Variants in PRKAA2 observed in about 807,000 individuals in gnomAD.
PRKAA2 encodes 5'-AMP-activated protein kinase catalytic subunit alpha-2.
PRKAA2 carries 40 observed loss-of-function variants against 56.3 expected under a neutral mutation model. That is an observed-to-expected ratio of 0.71 (90% confidence interval 0.55 to 0.92). PRKAA2 has a LOEUF of 0.92. Ranked by LOEUF, PRKAA2 falls within the 40% of genes least tolerant of loss-of-function variation. PRKAA2 has a pLI of 0.00. For missense variants in PRKAA2, 542 were observed against 686.9 expected, an observed-to-expected ratio of 0.79 and a Z score of 2.36; for synonymous variants, 214 against 234.2, an observed-to-expected ratio of 0.91 and a Z score of 0.79.
intron 2 of PRKAA2, among the ~76,000 whole-genome samples, chr1:56,682,161 C>G (rs1644159856): frequency 6.6e-6 from 1 of 152,046 alleles, no homozygotes; most frequent in Non-Finnish European, 1.5e-5. Flanking sequence ...GGGTTGGGTG[C>G]TGTTCTAGGC....
intron 1 of PRKAA2, among the ~76,000 whole-genome samples, chr1:56,657,047 G>GCC (rs1557543213): frequency 6.6e-6 from 1 of 152,144 alleles, no homozygotes; most frequent in Non-Finnish European, 1.5e-5. Flanking sequence ...AGATTCAGAA[G>GCC]CCCCCAGCAG....
chr1:56,694,652 G>A (rs907561287), intron 5 of PRKAA2, among the ~76,000 whole-genome samples: 2 of 151,942 alleles, frequency 1.3e-5, no homozygotes, highest in African/African-American at 4.8e-5. Context: ...ATGGTGAAAG[G>A]GACAAGGGAT....
Position 56,665,274 on chromosome 1 carries a change from A to G in PRKAA2, c.95-9107A>G, listed in dbSNP as rs983038139. Among the ~76,000 whole-genome samples, 15 of 152,146 alleles carry G rather than the reference A, an allele frequency of 9.9e-5. No individual in the cohort carries two copies. In the East Asian group the frequency reaches 1.5e-3, roughly 16 times the overall value. On this transcript the variant is annotated intron_variant, in intron 1 of 8. Transcript: ENST00000371244. ...TTTTTAGTAGAGACAGGGTTTCACC[A>G]TGTTTGCCATGCTGGTCTCAAACTC...
chr1:56,660,377 A>G (rs1038259528), intron 1 of PRKAA2, among the ~76,000 whole-genome samples: 1 of 152,162 alleles, frequency 6.6e-6, no homozygotes, highest in Admixed American at 6.6e-5. Context: ...CTTTCAGTTC[A>G]TGTGTTATTT....
intron 2 of PRKAA2, among the ~76,000 whole-genome samples, chr1:56,691,184 C>G (rs957903580): frequency 6.6e-6 from 1 of 152,158 alleles, no homozygotes; most frequent in Non-Finnish European, 1.5e-5. Context: ...AAGGGAGGAT[C>G]TAAAGGAACG....
chr1:56,675,527 G>A (rs552236191), intron 2 of PRKAA2, among the ~76,000 whole-genome samples: 4 of 152,068 alleles, frequency 2.6e-5, no homozygotes, highest in Non-Finnish European at 5.9e-5. Context: ...TGGTAGTTGA[G>A]GTCAAGCCTG....
At chr1:56,686,621 G>T (rs1401176313) in intron 2 of PRKAA2, among the ~76,000 whole-genome samples, 1 of 152,112 alleles carries the variant, frequency 6.6e-6, no homozygotes, top group African/African-American at 2.4e-5. Flanking sequence ...GAGAGCAAGA[G>T]AGGAAGGAGG....
Position 56,709,319 on chromosome 1 carries a change from C to T in PRKAA2, c.*1606C>T, listed in dbSNP as rs1215029853. The T allele has an allele frequency of 1.3e-5, 2 of 152,122 alleles. No homozygotes were observed. The highest frequency in any genetic ancestry group is 3.8e-4 in the East Asian group (2 of 5,196). The allele number at this position is 152,122 out of a possible 1,614,324, so 9.4% of individuals were successfully genotyped here. ...TTTGAATCAGGAGTTTGCGTTGTGT[C>T]ACATCATATGGCTTTGCAGATCTTT... On this transcript the variant is annotated 3_prime_UTR_variant, in exon 9 of 9. Transcript: ENST00000371244.
intron 6 of PRKAA2, among the ~76,000 whole-genome samples, chr1:56,701,480 A>C (rs182326565): frequency 6.6e-6 from 1 of 152,182 alleles, no homozygotes; most frequent in African/African-American, 2.4e-5. Flanking sequence ...TATATAGCCA[A>C]TAAACACATG....
At chr1:56,696,625 A>G (rs1192812614) in intron 6 of PRKAA2, among the ~76,000 whole-genome samples, 1 of 152,198 alleles carries the variant, frequency 6.6e-6, no homozygotes, top group Admixed American at 6.5e-5. Flanking sequence ...GAAAGATGGT[A>G]TGCTTAGAAA....
chr1:56,683,472 G>A (rs1365816376), intron 2 of PRKAA2, among the ~76,000 whole-genome samples: 1 of 152,094 alleles, frequency 6.6e-6, no homozygotes, highest in African/African-American at 2.4e-5. Flanking sequence ...GTATAGGGAA[G>A]TGGAAAAATA....
intron 2 of PRKAA2, among the ~76,000 whole-genome samples, chr1:56,684,016 A>G (rs1347533438): frequency 6.6e-6 from 1 of 152,168 alleles, no homozygotes; most frequent in Non-Finnish European, 1.5e-5. Flanking sequence ...GTAAAAGATG[A>G]TGTTGGCTTG....
intron 1 of PRKAA2, among the ~76,000 whole-genome samples, chr1:56,670,761 T>C (rs1448529485): frequency 6.6e-6 from 1 of 152,218 alleles, no homozygotes; most frequent in Non-Finnish European, 1.5e-5. Flanking sequence ...AAGTAGGTAT[T>C]GATCTGGATA....
rs3034077 is a variant in PRKAA2, at chr1:56,689,897, G to GAC, written c.237-1458_237-1457dup. Among the ~76,000 whole-genome samples the GAC allele has an allele frequency of 3.0e-3, 439 of 147,142 alleles. 3 individuals carry two copies. Among genetic ancestry groups the GAC allele is most frequent in the African/African-American group, 6.9e-3 (277 of 39,958 alleles). The stretch of plus-strand genomic sequence containing the variant: ...GGATGCCTAGAAACACAGACACACA[G>GAC]ACACACACACACACACACACACACA... On this transcript the variant is annotated intron_variant, in intron 2 of 8. Coordinates refer to ENST00000371244, the MANE Select transcript of PRKAA2 (RefSeq NM_006252.4).
chr1:56,688,132 G>A (rs1227123330), intron 2 of PRKAA2, among the ~76,000 whole-genome samples: 1 of 152,082 alleles, frequency 6.6e-6, no homozygotes, highest in East Asian at 1.9e-4. Context: ...CCTGGAATTT[G>A]CCTTTTCCAC....
chr1:56,680,455 C>T (rs1644145408), intron 2 of PRKAA2, among the ~76,000 whole-genome samples: 1 of 152,020 alleles, frequency 6.6e-6, no homozygotes, highest in Non-Finnish European at 1.5e-5. Context: ...GTGTGCTGCA[C>T]CCATTAACTC....
intron 1 of PRKAA2, among the ~76,000 whole-genome samples, chr1:56,652,372 G>C (rs1001034561): frequency 6.6e-6 from 1 of 151,362 alleles, no homozygotes; most frequent in African/African-American, 2.4e-5. Flanking sequence ...AGCCAGGATG[G>C]TCTTGCTCTC....
intron 1 of PRKAA2, among the ~76,000 whole-genome samples, chr1:56,662,527 C>T (rs1375107701): frequency 6.6e-6 from 1 of 152,172 alleles, no homozygotes; most frequent in Non-Finnish European, 1.5e-5. Flanking sequence ...ATGTGATCCT[C>T]CTGCCTTGGC....
rs933227542 is a variant in PRKAA2, at chr1:56,691,504, C to T, written c.330+17C>T. 8 of 1,549,502 alleles carry T rather than the reference C, an allele frequency of 5.2e-6. No homozygotes were observed. In the Admixed American group the frequency reaches 1.2e-4, roughly 23 times the overall value. On this transcript the variant is annotated intron_variant, in intron 3 of 8. Transcript: ENST00000371244. ...CATGGACGGGTGAGTAACATACTAT[C>T]TGGTACACTAAATCTCTAAACTAAT...
Sources: allele counts gnomAD v4.1 joint callset (sites outside exome capture counted in the v4.1 genomes callset), GRCh38; gene constraint gnomAD v4.1.1; transcripts MANE v1.5; gene names NCBI Gene and HGNC (gene_info 2026-07-23, HGNC 2026-07-21).